The following SORCS2 variants were observed in gnomAD, a reference collection of about 807,000 sequenced individuals.
The protein encoded by SORCS2 is sortilin related VPS10 domain containing receptor 2.
SORCS2 carries 100 observed loss-of-function variants against 141.6 expected under a neutral mutation model. The ratio of observed to expected loss-of-function variants is 0.71; its 90% CI spans 0.60 to 0.83. The LOEUF is 0.83. Among genes scored for constraint, SORCS2 ranks in the 40% least tolerant of loss-of-function variants. The pLI is 0.00. For missense variants in SORCS2, 1,646 were observed against 1,560.2 expected (o/e 1.05, Z -0.93); for synonymous variants, 789 against 676.9 (o/e 1.17, Z -2.57).
chr4:7,625,709 T>G (rs1577859080), intron 3 of SORCS2, among the ~76,000 whole-genome samples: 2 of 136,652 alleles, frequency 1.5e-5, no homozygotes, highest in Admixed American at 7.4e-5. Flanking sequence ...GATGGAGGGG[T>G]GAGATGAAGG....
At chr4:7,655,288 G>A (rs922962370) in intron 5 of SORCS2, among the ~76,000 whole-genome samples, 86 of 151,946 alleles carry the variant, frequency 5.7e-4, no homozygotes, top group African/African-American at 2.0e-3. Flanking sequence ...GGCCTCCTGC[G>A]CAGGCCACAG....
In SORCS2 at chr4:7,724,150, G is replaced by GGTGATA. The variant is rs1553808164; in HGVS notation, c.2611+270_2611+271insATAGTG. 2.5e-3 allele frequency among the ~76,000 whole-genome samples: 341 copies of GGTGATA among 135,430 alleles called. 2 individuals are homozygous for GGTGATA. Among genetic ancestry groups the GGTGATA allele is most frequent in the African/African-American group, 0.01 (316 of 30,284 alleles). 88.8% of individuals were successfully genotyped at this position (135,430 alleles called of 152,430 possible). A position where few individuals can be genotyped will look rare whatever the true frequency, so the allele number is the denominator to read the frequency against. On this transcript the variant is annotated intron_variant, in intron 19 of 26. Coordinates refer to ENST00000507866, the MANE Select transcript of SORCS2 (RefSeq NM_020777.3). ...TGGTGGTGGTGGTGGTGATGGTCGT[G>GGTGATA]GTGGTGGTGGTGATGGTGGTGATGG...
intron 2 of SORCS2, among the ~76,000 whole-genome samples, chr4:7,509,429 C>T (rs911619081): frequency 6.6e-5 from 10 of 152,238 alleles, no homozygotes; most frequent in Middle Eastern, 3.4e-3. Context: ...CTCAGCAGGC[C>T]GGAGCACAGA....
intron 1 of SORCS2, among the ~76,000 whole-genome samples, chr4:7,307,926 G>T (rs1276085472): frequency 4.6e-5 from 7 of 152,110 alleles, no homozygotes; most frequent in African/African-American, 1.7e-4. Context: ...GTGCATGAGT[G>T]TGCATGCATG....
chr4:7,338,639 C>T (rs1720173267), intron 1 of SORCS2, among the ~76,000 whole-genome samples: 1 of 152,188 alleles, frequency 6.6e-6, no homozygotes, highest in Non-Finnish European at 1.5e-5. Flanking sequence ...CTGCCCTCTC[C>T]AGCTTTGCCC....
In SORCS2 at chr4:7,465,084, G is replaced by A. The variant is rs371637313; in HGVS notation, c.549-66446G>A. 7.2e-5 allele frequency among the ~76,000 whole-genome samples: 11 copies of A among 152,356 alleles called. No homozygotes were observed. In the East Asian group the frequency reaches 1.4e-3, roughly 19 times the overall value. ...TTGCAGGGTTTTTGTGGTGAAGTGAGGACAGTATTAGCTTCTCATGGGTGA... is the reference window on the plus strand; with the variant it reads ...TTGCAGGGTTTTTGTGGTGAAGTGAAGACAGTATTAGCTTCTCATGGGTGA... On this transcript the variant is annotated intron_variant, in intron 2 of 26. Transcript: ENST00000507866.
intron 2 of SORCS2, among the ~76,000 whole-genome samples, chr4:7,494,626 C>G (rs1731504637): frequency 6.6e-6 from 1 of 152,228 alleles, no homozygotes; most frequent in South Asian, 2.1e-4. Flanking sequence ...CCCAAAGGCC[C>G]CATCTCCAAA....
intron 1 of SORCS2, among the ~76,000 whole-genome samples, chr4:7,366,365 C>A (rs1174571434): frequency 6.6e-6 from 1 of 151,974 alleles, no homozygotes; most frequent in Non-Finnish European, 1.5e-5. Context: ...GGTCGAGTTC[C>A]CTGCTCCCGG....
chr4:7,367,387 C>T (rs1721960818), intron 1 of SORCS2, among the ~76,000 whole-genome samples: 1 of 152,244 alleles, frequency 6.6e-6, no homozygotes, highest in Admixed American at 6.5e-5. Context: ...CATTTGCTAG[C>T]TGTGTGACCG....
rs1027190387 is a variant in SORCS2, at chr4:7,649,486, C to T, written c.814-4648C>T. 2.0e-5 allele frequency among the ~76,000 whole-genome samples: 3 copies of T among 152,058 alleles called. No individual in the cohort carries two copies. The East Asian group carries it at 5.8e-4, about 30-fold the overall frequency. On this transcript the variant is annotated intron_variant, in intron 4 of 26. Coordinates refer to ENST00000507866, the MANE Select transcript of SORCS2 (RefSeq NM_020777.3). ...AGGACCGAGGGCTGAGAGCAGGGGT[C>T]CACGGAGATGGTGTGGCCCAGCTGG... is the stretch of plus-strand genomic sequence containing the variant.
At chr4:7,526,636 C>A (rs1733713118) in intron 2 of SORCS2, among the ~76,000 whole-genome samples, 1 of 152,140 alleles carries the variant, frequency 6.6e-6, no homozygotes, top group African/African-American at 2.4e-5. Flanking sequence ...GTTCAGGAGC[C>A]CCCCAGCTGG....
intron 1 of SORCS2, among the ~76,000 whole-genome samples, chr4:7,211,408 G>T (rs1577280060): frequency 6.6e-6 from 1 of 152,084 alleles, no homozygotes; most frequent in Non-Finnish European, 1.5e-5. Context: ...TATTTATTTC[G>T]AGATGGAGTC....
chr4:7,238,563 G>A (rs116425545), intron 1 of SORCS2, among the ~76,000 whole-genome samples: 181 of 152,290 alleles, frequency 1.2e-3, no homozygotes, highest in African/African-American at 4.2e-3. Flanking sequence ...GTGTGCTCAC[G>A]TGTGTGCATA....
intron 2 of SORCS2, among the ~76,000 whole-genome samples, chr4:7,491,018 C>T (rs566889758): frequency 2.2e-3 from 342 of 152,310 alleles, no homozygotes; most frequent in Admixed American, 1.0e-2. Context: ...CCTGCCCTGC[C>T]GCCCTTCCTG....
intron 1 of SORCS2, among the ~76,000 whole-genome samples, chr4:7,359,065 G>A (rs1721428519): frequency 6.6e-6 from 1 of 152,244 alleles, no homozygotes; most frequent in African/African-American, 2.4e-5. Context: ...GGAGGCCGAG[G>A]CAGGGGGATC....
At chr4:7,433,017 A>T (rs573191781) in intron 2 of SORCS2, 1 of 256,786 alleles carries the variant, frequency 3.9e-6, no homozygotes, top group Non-Finnish European at 7.3e-6. Flanking sequence ...GCAGGCTCTC[A>T]TGGGACCACC....
chr4:7,206,497 A>G (rs1727750367), intron 1 of SORCS2, among the ~76,000 whole-genome samples: 1 of 152,174 alleles, frequency 6.6e-6, no homozygotes, highest in Non-Finnish European at 1.5e-5. Context: ...TCCACGAGTA[A>G]CCTGGGAAGC....
intron 8 of SORCS2, among the ~76,000 whole-genome samples, chr4:7,670,372 T>C (rs934373749): frequency 7.9e-5 from 12 of 152,098 alleles, no homozygotes; most frequent in African/African-American, 2.9e-4. Flanking sequence ...AAGCTATAAA[T>C]AGAGAAAAGA....
chr4:7,424,204 C>T (rs941515245), intron 2 of SORCS2, among the ~76,000 whole-genome samples: 1 of 152,196 alleles, frequency 6.6e-6, no homozygotes, highest in Non-Finnish European at 1.5e-5. Context: ...ACTCTGCTGT[C>T]ATTAGCTGTG....
Sources: allele counts gnomAD v4.1 joint callset (sites outside exome capture counted in the v4.1 genomes callset), GRCh38; gene constraint gnomAD v4.1.1; transcripts MANE v1.5; gene names NCBI Gene and HGNC (gene_info 2026-07-23, HGNC 2026-07-21).